Variants in ABCA13 observed in about 807,000 individuals in gnomAD.
The protein encoded by ABCA13 is ATP-binding cassette sub-family A member 13.
A neutral mutation model predicts 478.7 loss-of-function variants in ABCA13; 476 were observed. The ratio of observed to expected loss-of-function variants is 0.99; its 90% CI spans 0.92 to 1.07. ABCA13 has a LOEUF of 1.07. Among genes scored for constraint, ABCA13 ranks in the 50% least tolerant of loss-of-function variants. The pLI is 0.00. For synonymous variants in ABCA13, 2,252 were observed against 2,158.9 expected, an observed-to-expected ratio of 1.04 and a Z score of -1.20; for missense variants, 6,060 against 5,910.6, an observed-to-expected ratio of 1.03 and a Z score of -0.83.
chr7:48,318,527 T>C (rs907238583), intron 27 of ABCA13, among the ~76,000 whole-genome samples: 3 of 143,794 alleles, frequency 2.1e-5, no homozygotes, highest in Non-Finnish European at 4.5e-5. Context: ...TTTTTTTTTG[T>C]AGAGGCATAG....
At chr7:48,176,901 C>G (rs1346067584) in intron 1 of ABCA13, among the ~76,000 whole-genome samples, 2 of 152,156 alleles carry the variant, frequency 1.3e-5, no homozygotes, top group African/African-American at 4.8e-5. Context: ...CTTCAAACCT[C>G]AGAGCTTTTG....
In ABCA13 at chr7:48,521,063, A is replaced by T. The variant is rs185524058; in HGVS notation, c.14051+769A>T. Reference sequence around the variant, plus strand: ...TATATAATGTGGTTTATACACATGCATGCACACACATGCATTCCTACTACT... The same window carrying T: ...TATATAATGTGGTTTATACACATGCTTGCACACACATGCATTCCTACTACT... On this transcript the variant is annotated intron_variant, in intron 53 of 61. Coordinates refer to ENST00000435803, the MANE Select transcript of ABCA13 (RefSeq NM_152701.5). 6.2e-3 allele frequency among the ~76,000 whole-genome samples: 929 copies of T among 150,322 alleles called. 9 individuals carry two copies. Among genetic ancestry groups the T allele is most frequent in the African/African-American group, 0.022 (886 of 39,836 alleles).
At chr7:48,364,996 A>T (rs548977303) in intron 31 of ABCA13, among the ~76,000 whole-genome samples, 40 of 152,160 alleles carry the variant, frequency 2.6e-4, no homozygotes, top group Non-Finnish European at 4.1e-4. Context: ...ACTGTTCTCC[A>T]CAGTGTCTCT....
intron 13 of ABCA13, among the ~76,000 whole-genome samples, chr7:48,246,759 C>T (rs1346527285): frequency 6.6e-6 from 1 of 152,130 alleles, no homozygotes; most frequent in African/African-American, 2.4e-5. Context: ...CTGTGCATGA[C>T]AGTATGCTGA....
rs1457401421 is a variant in ABCA13 at position 48,276,546 on chromosome 7, G to C, written c.6880G>C (p.Asp2294His). The C allele has an allele frequency of 6.2e-7, 1 of 1,611,694 alleles. No homozygotes were observed. Among genetic ancestry groups the C allele is most frequent in the Admixed American group, 1.7e-5 (1 of 59,924 alleles). The change falls in exon 17 of 62, where the codon GAT (aspartate) becomes CAT (histidine). Residue 2294 changes from aspartate to histidine, a missense_variant. Physicochemically the swap from Asp to His is moderately conservative, Grantham distance 81 (BLOSUM62 -1). Transcript: ENST00000435803. ...ISLLLKYFHK[D>H]VIAEMSFVPK... ...TCTTCTGCTGAAATATTTCCACAAA[G>C]ATGTTATTGCAGAGATGAGGTGAGT...
At position 48,249,472 on chromosome 7, in the gene ABCA13, G is replaced by T. The variant is rs1792199716; in HGVS notation, c.2005+121G>T. ...GGGCTTAAAATGGGTGGCTCTCCAAGCACAATTTGGCATTGTGATTACTTC... is the reference window on the plus strand; with the variant it reads ...GGGCTTAAAATGGGTGGCTCTCCAATCACAATTTGGCATTGTGATTACTTC... On this transcript the variant is annotated intron_variant, in intron 15 of 61. Transcript: ENST00000435803. 1.2e-5 allele frequency: 15 copies of T among 1,248,478 alleles called. No homozygotes were observed. The South Asian group carries it at 1.9e-4, about 16-fold the overall frequency. The allele number at this position is 1,248,478 out of a possible 1,614,324, so 77.3% of individuals were successfully genotyped here.
At chr7:48,624,684 T>C (rs1261768215) in intron 59 of ABCA13, among the ~76,000 whole-genome samples, 1 of 152,056 alleles carries the variant, frequency 6.6e-6, no homozygotes, top group Admixed American at 6.6e-5. Flanking sequence ...GCCTCCCAAG[T>C]AGCTGGGATT....
chr7:48,427,714 C>T (rs796308191), intron 41 of ABCA13, 52 bp from the exon 42 acceptor site: 14 of 1,187,406 alleles, frequency 1.2e-5, no homozygotes, highest in Middle Eastern at 3.8e-4. Flanking sequence ...AAAAGAAATG[C>T]GATGTGTATA....
chr7:48,636,225 G>T (rs1281931031), intron 59 of ABCA13, among the ~76,000 whole-genome samples: 1 of 152,192 alleles, frequency 6.6e-6, no homozygotes, highest in Non-Finnish European at 1.5e-5. Context: ...CTTTTGAGAA[G>T]ACTTTATCAA....
At chr7:48,404,320 C>T (rs1236601709) in intron 39 of ABCA13, 2 of 217,760 alleles carry the variant, frequency 9.2e-6, no homozygotes, top group Non-Finnish European at 1.9e-5. Context: ...AACCTCTTGT[C>T]CATGTTTCTC....
Position 48,202,518 on chromosome 7 carries a change from C to G in ABCA13, c.287+4158C>G, listed in dbSNP as rs1761869572. On this transcript the variant is annotated intron_variant, in intron 3 of 61. Coordinates refer to ENST00000435803, the MANE Select transcript of ABCA13 (RefSeq NM_152701.5). ...AAGGCCCCACCAGAGCAGCTAGATA[C>G]AGAGTGTCGATTGTTGCACTCACAA... 2.7e-5 allele frequency among the ~76,000 whole-genome samples: 4 copies of G among 149,738 alleles called. No individual in the cohort carries two copies. In the South Asian group the frequency reaches 8.5e-4, roughly 32 times the overall value.
At chr7:48,248,500 A>C in intron 14 of ABCA13, 56 bp downstream of exon 14, 5 of 1,356,920 alleles carry the variant, frequency 3.7e-6, no homozygotes, top group East Asian at 2.3e-5. Context: ...GAATGATTTC[A>C]ACTGCCCCTT....
chr7:48,264,624 GTTAT>G (rs1794636988), intron 15 of ABCA13, among the ~76,000 whole-genome samples: 2 of 151,688 alleles, frequency 1.3e-5, no homozygotes, highest in South Asian at 2.1e-4. Context: ...TTTAAATTGG[GTTAT>G]TTGTTTATTA....
intron 26 of ABCA13, among the ~76,000 whole-genome samples, chr7:48,315,714 G>A (rs1171998610): frequency 2.6e-5 from 4 of 152,052 alleles, no homozygotes; most frequent in African/African-American, 9.7e-5. Context: ...TCCTGACCTC[G>A]TGATCTGCCT....
At chr7:48,326,656 A>G (rs1411147060) in intron 27 of ABCA13, among the ~76,000 whole-genome samples, 4 of 152,226 alleles carry the variant, frequency 2.6e-5, no homozygotes, top group African/African-American at 9.7e-5. Flanking sequence ...AACAGGAGGC[A>G]GAGATGGGAT....
At chr7:48,214,891 G>T (rs1786213877) in intron 3 of ABCA13, among the ~76,000 whole-genome samples, 1 of 152,108 alleles carries the variant, frequency 6.6e-6, no homozygotes, top group Non-Finnish European at 1.5e-5. Flanking sequence ...TTTTCTTTAA[G>T]AACCTTTTCT....
chr7:48,617,675 G>A (rs555937541), intron 59 of ABCA13, among the ~76,000 whole-genome samples: 2 of 152,250 alleles, frequency 1.3e-5, no homozygotes, highest in South Asian at 2.1e-4. Flanking sequence ...AGGAGAGCAC[G>A]AGGGTTTAGT....
intron 31 of ABCA13, among the ~76,000 whole-genome samples, chr7:48,356,313 T>C (rs943479352): frequency 2.0e-5 from 3 of 151,760 alleles, no homozygotes; most frequent in Admixed American, 1.3e-4. Context: ...AGGGGTAGAA[T>C]TGGAGAGTGA....
In ABCA13 at chr7:48,381,362, C is replaced by G. The variant is rs531101717; in HGVS notation, c.11335+4790C>G. Among the ~76,000 whole-genome samples, 308 of 149,612 alleles carry G rather than the reference C, an allele frequency of 2.1e-3. 1 individual carries two copies. Among genetic ancestry groups the G allele is most frequent in the South Asian group, 3.4e-3 (16 of 4,676 alleles). ...TCTCTCTTTTGCTCTCTGTCACACACATACACATACACACACACACACACA... is the reference window on the plus strand; with the variant it reads ...TCTCTCTTTTGCTCTCTGTCACACAGATACACATACACACACACACACACA... On this transcript the variant is annotated intron_variant, in intron 35 of 61. Transcript: ENST00000435803.
Sources: allele counts gnomAD v4.1 joint callset (sites outside exome capture counted in the v4.1 genomes callset), GRCh38; gene constraint gnomAD v4.1.1; transcripts MANE v1.5; gene names NCBI Gene and HGNC (gene_info 2026-07-23, HGNC 2026-07-21).